Variants in RBL1 observed in about 807,000 individuals in gnomAD.
RBL1 encodes RB transcriptional corepressor like 1, also known as retinoblastoma-like protein 1.
A neutral mutation model predicts 123.0 loss-of-function variants in RBL1; 82 were observed. That is an observed-to-expected ratio of 0.67 (90% CI 0.56 to 0.80). The LOEUF (loss-of-function observed/expected upper bound fraction) is 0.80. Among genes scored for constraint, RBL1 ranks in the 30% least tolerant of loss-of-function variants. The pLI is 0.00. For missense variants in RBL1, 1,171 were observed against 1,299.6 expected (o/e 0.90, Z 1.52); for synonymous variants, 405 against 441.3 (o/e 0.92, Z 1.03).
chr20:37,047,398 GT>G (rs2064833069), intron 11 of RBL1, among the ~76,000 whole-genome samples: 1 of 152,150 alleles, frequency 6.6e-6, no homozygotes, highest in African/African-American at 2.4e-5. Flanking sequence ...TAAATAAGGT[GT>G]ACATAACAAT....
At chr20:37,085,193 A>G (rs974005257) in intron 2 of RBL1, among the ~76,000 whole-genome samples, 2 of 146,042 alleles carry the variant, frequency 1.4e-5, no homozygotes, top group African/African-American at 5.1e-5. Flanking sequence ...ATACAATGGC[A>G]CGATCTCTGC....
chr20:37,048,388 G>A (rs1432660303), intron 11 of RBL1, among the ~76,000 whole-genome samples: 1 of 152,172 alleles, frequency 6.6e-6, no homozygotes, highest in Non-Finnish European at 1.5e-5. Context: ...AGACTCAGAG[G>A]TAGAGAACAT....
Position 37,075,696 on chromosome 20 carries a change from T to C in RBL1, c.291-7510A>G, listed in dbSNP as rs187377519. ...GTCTCAAACTCCTGACCTCAGGTGATCCACCCACCTCGGCCTCCCAAAGTG... is the reference window on the plus strand; with the variant it reads ...GTCTCAAACTCCTGACCTCAGGTGACCCACCCACCTCGGCCTCCCAAAGTG... On this transcript the variant is annotated intron_variant, in intron 2 of 21. Coordinates refer to ENST00000373664, the MANE Select transcript of RBL1 (RefSeq NM_002895.5). Among the ~76,000 whole-genome samples the C allele has an allele frequency of 2.8e-3, 420 of 152,250 alleles. 2 individuals are homozygous for C. Among genetic ancestry groups the C allele is most frequent in the African/African-American group, 9.8e-3 (405 of 41,536 alleles).
At chr20:37,052,263 C>G (rs1399841856) in intron 11 of RBL1, among the ~76,000 whole-genome samples, 1 of 151,946 alleles carries the variant, frequency 6.6e-6, no homozygotes, top group Non-Finnish European at 1.5e-5. Flanking sequence ...AAACTCCTGA[C>G]CTTGTGATCC....
intron 1 of RBL1, among the ~76,000 whole-genome samples, chr20:37,092,165 G>GC (rs1333120290): frequency 6.6e-6 from 1 of 152,034 alleles, no homozygotes; most frequent in African/African-American, 2.4e-5. Flanking sequence ...AGTGCCTGAG[G>GC]CCCTTTTTTT....
In RBL1 at chr20:37,062,368, C is replaced by T. The variant is rs370783885; in HGVS notation, c.897-98G>A. 30 of 1,463,740 alleles carry T rather than the reference C, an allele frequency of 2.0e-5. No individual in the cohort carries two copies. The East Asian group carries it at 3.2e-4, about 15-fold the overall frequency. The allele number at this position is 1,463,740 out of a possible 1,614,324, so 90.7% of individuals were successfully genotyped here. A position where few individuals can be genotyped will look rare whatever the true frequency, so the allele number is the denominator to read the frequency against. On this transcript the variant is annotated intron_variant, in intron 7 of 21. Coordinates refer to ENST00000373664, the MANE Select transcript of RBL1 (RefSeq NM_002895.5). ...AGTGTTTACAGCTTAGAAAACTTGACAACTTTCTAATTTTTATTAACTCTG... is the reference window on the plus strand; with the variant it reads ...AGTGTTTACAGCTTAGAAAACTTGATAACTTTCTAATTTTTATTAACTCTG...
At chr20:37,055,099 G>A (rs2064981457) in intron 11 of RBL1, among the ~76,000 whole-genome samples, 1 of 151,984 alleles carries the variant, frequency 6.6e-6, no homozygotes, top group South Asian at 2.1e-4. Context: ...AGGAAACAAA[G>A]ATCATATGAT....
intron 2 of RBL1, among the ~76,000 whole-genome samples, chr20:37,083,363 G>A (rs1219680350): frequency 6.6e-6 from 1 of 152,022 alleles, no homozygotes; most frequent in African/African-American, 2.4e-5. Context: ...AGCTACTCAG[G>A]AGGGCGTGGT....
intron 1 of RBL1, among the ~76,000 whole-genome samples, chr20:37,094,008 TGTCCTATTCAACTCTG>T (rs2065689951): frequency 6.6e-6 from 1 of 152,156 alleles, no homozygotes; most frequent in Non-Finnish European, 1.5e-5. Flanking sequence ...ACATTGAAGA[TGTCCTATTCAACTCTG>T]CCTAACTAGA....
chr20:37,061,125 C>T lies in RBL1; in HGVS notation c.1228G>A (p.Asp410Asn), dbSNP rs2065086372. The T allele has an allele frequency of 6.2e-7, 1 of 1,606,884 alleles. No homozygotes were observed. Among genetic ancestry groups the T allele is most frequent in the East Asian group, 2.2e-5 (1 of 44,748 alleles). The change falls in exon 9 of 22, where the codon GAC becomes AAC. Residue 410 changes from aspartate (D) to asparagine (N), a missense_variant. Transcript: ENST00000373664. ...IVAGLKNAPS[D>N]QLINIFESCV... ...TACTCAAAAATATTTATAAGTTGGTCACTTGGTGCATTTTTCAGACCAGCC... is the reference window on the plus strand; with the variant it reads ...TACTCAAAAATATTTATAAGTTGGTTACTTGGTGCATTTTTCAGACCAGCC...
intron 19 of RBL1, among the ~76,000 whole-genome samples, chr20:37,008,520 C>T (rs2064108392): frequency 2.6e-5 from 4 of 152,132 alleles, no homozygotes. Flanking sequence ...TGAAACCAGG[C>T]AGAACTTTGT....
At chr20:37,000,882 G>C (rs1304111539) in intron 21 of RBL1, among the ~76,000 whole-genome samples, 2 of 127,918 alleles carry the variant, frequency 1.6e-5, no homozygotes, top group African/African-American at 6.4e-5. Flanking sequence ...CAGCCGCCCC[G>C]TCCAGGAGGG....
intron 2 of RBL1, among the ~76,000 whole-genome samples, chr20:37,070,570 G>T (rs973766590): frequency 1.6e-4 from 24 of 152,048 alleles, no homozygotes; most frequent in Non-Finnish European, 1.8e-4. Context: ...TTTCCAAATG[G>T]GAATTTGATT....
intron 14 of RBL1, among the ~76,000 whole-genome samples, chr20:37,037,258 C>A (rs925015033): frequency 2.0e-5 from 3 of 152,152 alleles, no homozygotes; most frequent in Non-Finnish European, 4.4e-5. Context: ...AGCTGCAAAT[C>A]CATTGAAATG....
chr20:37,040,940 A>G (rs540348858), intron 13 of RBL1, among the ~76,000 whole-genome samples: 2 of 152,286 alleles, frequency 1.3e-5, no homozygotes, highest in East Asian at 3.9e-4. Flanking sequence ...TTCAATACTA[A>G]TCCTTCTTCA....
At chr20:37,081,994 G>A in intron 2 of RBL1, 1 of 456,246 alleles carries the variant, frequency 2.2e-6, no homozygotes, top group South Asian at 1.5e-5. Flanking sequence ...TTGCCAAAAT[G>A]TCAACTGGCC....
intron 21 of RBL1, among the ~76,000 whole-genome samples, chr20:36,999,727 C>T (rs1250028439): frequency 1.3e-5 from 2 of 152,224 alleles, no homozygotes; most frequent in African/African-American, 2.4e-5. Flanking sequence ...CTCCTAACCG[C>T]GAGTGATCCG....
chr20:37,061,962 G>T, intron 8 of RBL1, 122 bp downstream of exon 8: 1 of 1,150,136 alleles, frequency 8.7e-7, no homozygotes, highest in East Asian at 2.5e-5. Flanking sequence ...AGGCTTTCAT[G>T]AGAAATATGA....
Position 37,062,130 on chromosome 20 carries a change from G to A in RBL1, c.1037C>T (p.Thr346Ile), listed in dbSNP as rs2065105655. 1 of 1,614,074 alleles carries A rather than the reference G, an allele frequency of 6.2e-7. No homozygotes were observed. Among genetic ancestry groups the A allele is most frequent in the South Asian group, 1.1e-5 (1 of 91,092 alleles). ...GTTATACTCCACATTAGCCTGTGCT[G>A]TCAGTTTCCCTAATGGGGTGTCACG... is the stretch of plus-strand genomic sequence containing the variant. ...FTRDTPLGKLTAQANVEYNLQ... is the reference protein window; with the variant it reads ...FTRDTPLGKLIAQANVEYNLQ... The change falls in exon 8 of 22, where the codon ACA becomes ATA. Residue 346 changes from threonine (T) to isoleucine (I), a missense_variant. Thr to Ile is a moderately conservative substitution (Grantham distance 89). Transcript: ENST00000373664.
Sources: gnomAD v4.1 joint callset for allele counts (sites outside exome capture counted in the v4.1 genomes callset) on GRCh38, gnomAD v4.1.1 for gene constraint, MANE v1.5 for transcripts, NCBI Gene and HGNC (gene_info 2026-07-23, HGNC 2026-07-21) for gene names.